AMTN: variants seen among roughly 807,000 people sequenced by gnomAD.
AMTN encodes RSTI689.
AMTN carries 29 observed loss-of-function variants against 27.4 expected under a neutral mutation model. The observed-to-expected ratio is 1.06, with a 90% CI of 0.79 to 1.44. AMTN has a LOEUF of 1.44. Ranked by LOEUF, AMTN falls within the 40% of genes most tolerant of loss-of-function variation. The pLI, the probability that AMTN is intolerant of heterozygous loss-of-function variation, is 0.00. For synonymous variants in AMTN, 86 were observed against 95.7 expected (o/e 0.90, Z 0.59); for missense variants, 247 against 248.8 (o/e 0.99, Z 0.05).
At chr4:70,521,638 C>CTTTTTTTTT (rs1560572106) in intron 2 of AMTN, among the ~76,000 whole-genome samples, 3 of 78,974 alleles carry the variant, frequency 3.8e-5, no homozygotes, top group African/African-American at 9.9e-5. Context: ...ATACCAACCT[C>CTTTTTTTTT]TCTTTTTTTT....
chr4:70,531,195 C>T lies in AMTN; in HGVS notation c.514C>T (p.Leu172Phe). The change falls in exon 8 of 9, where the codon CTC (leucine) becomes TTC (phenylalanine). Residue 172 changes from leucine (L) to phenylalanine (F), a missense_variant. By Grantham distance (22) the Leu-to-Phe change is conservative. Transcript: ENST00000339336. ...PATQGTPAGR[L>F]PTPSGTDDDF... Reference sequence around the variant, plus strand: ...CACCCAGGGAACCCCAGCAGGCCGCCTCCCAACTCCCAGTGGCACAGATGA... The same window carrying T: ...CACCCAGGGAACCCCAGCAGGCCGCTTCCCAACTCCCAGTGGCACAGATGA... 1 of 1,614,072 alleles carries T rather than the reference C, an allele frequency of 6.2e-7. No homozygotes were observed. Among genetic ancestry groups the T allele is most frequent in the South Asian group, 1.1e-5 (1 of 91,084 alleles).
intron 3 of AMTN, 119 bp downstream of exon 3, chr4:70,522,957 C>T: frequency 1.1e-6 from 1 of 875,234 alleles, no homozygotes; most frequent in South Asian, 1.8e-5. Flanking sequence ...TACATGAAGA[C>T]TGTACAAGAC....
At chr4:70,527,012 T>C (rs1191937673) in intron 5 of AMTN, among the ~76,000 whole-genome samples, 2 of 152,074 alleles carry the variant, frequency 1.3e-5, no homozygotes, top group Non-Finnish European at 2.9e-5. Context: ...AAATGAACCA[T>C]GCTTGTGAAC....
chr4:70,519,105 T>C (rs1735887873), intron 2 of AMTN, among the ~76,000 whole-genome samples: 1 of 152,138 alleles, frequency 6.6e-6, no homozygotes, highest in Admixed American at 6.6e-5. Flanking sequence ...AGGAGAAAAA[T>C]GAATGTGTTA....
chr4:70,531,361 AGAG>A, intron 8 of AMTN, 61 bp downstream of exon 8: 2 of 1,595,294 alleles, frequency 1.3e-6, no homozygotes, highest in South Asian at 1.1e-5. Flanking sequence ...AGAATGGAAA[AGAG>A]GAGTTCTTTG....
At chr4:70,529,299 C>T (rs2109774585) in intron 7 of AMTN, 89 bp downstream of exon 7, 5 of 964,068 alleles carry the variant, frequency 5.2e-6, no homozygotes, top group Non-Finnish European at 7.3e-6. Context: ...ACCATAAATC[C>T]TAAATATGGT....
intron 2 of AMTN, among the ~76,000 whole-genome samples, 180 bp from the exon 3 acceptor site, chr4:70,522,575 G>C (rs1735999583): frequency 6.6e-6 from 1 of 152,094 alleles, no homozygotes; most frequent in Admixed American, 6.6e-5. Context: ...CTCCTGGGCT[G>C]GCATTTTTCC....
chr4:70,531,436 A>G, intron 8 of AMTN, 136 bp downstream of exon 8: 1 of 1,121,268 alleles, frequency 8.9e-7, no homozygotes, highest in Non-Finnish European at 1.3e-6. Flanking sequence ...ACTCACAGTT[A>G]ACTCCAGCAA....
At chr4:70,522,676 GT>G in intron 2 of AMTN, 78 bp from the exon 3 acceptor site, 1 of 1,344,238 alleles carries the variant, frequency 7.4e-7, no homozygotes, top group Non-Finnish European at 1.1e-6. Context: ...GTTTGCATTG[GT>G]GGCAACCTGG....
intron 7 of AMTN, 78 bp from the exon 8 acceptor site, chr4:70,530,961 C>T (rs959244992): frequency 1.9e-6 from 3 of 1,540,816 alleles, no homozygotes; most frequent in Non-Finnish European, 2.6e-6. Context: ...CCATTCCTAC[C>T]CAAACTTGCT....
intron 3 of AMTN, among the ~76,000 whole-genome samples, chr4:70,523,099 T>A (rs1210186348): frequency 6.6e-6 from 1 of 152,220 alleles, no homozygotes; most frequent in Non-Finnish European, 1.5e-5. Flanking sequence ...GGTTTAGCAG[T>A]GAAATCTAGT....
chr4:70,525,122 T>C lies in AMTN; in HGVS notation c.294+161T>C, dbSNP rs185897146. 5.3e-5 allele frequency among the ~76,000 whole-genome samples: 8 copies of C among 152,354 alleles called. 1 individual carries two copies. The highest frequency in any genetic ancestry group is 2.0e-4 in the Admixed American group (3 of 15,302). On this transcript the variant is annotated intron_variant, in intron 5 of 8. Transcript: ENST00000339336. ...AGACCAGTATTTGACAATCTGGTTC[T>C]TAATGAAAATTCATAAACATACCCA...
chr4:70,521,814 T>C (rs998752878), intron 2 of AMTN, among the ~76,000 whole-genome samples: 1 of 151,868 alleles, frequency 6.6e-6, no homozygotes, highest in Admixed American at 6.6e-5. Flanking sequence ...AAGACAGAGT[T>C]TCATCATGTT....
chr4:70,530,755 C>T (rs1481491500), intron 7 of AMTN, among the ~76,000 whole-genome samples: 1 of 152,060 alleles, frequency 6.6e-6, no homozygotes, highest in Non-Finnish European at 1.5e-5. Flanking sequence ...TTTTTATGCT[C>T]TTATTTTTTG....
intron 5 of AMTN, among the ~76,000 whole-genome samples, chr4:70,527,061 C>T (rs1736115587): frequency 6.6e-6 from 1 of 152,194 alleles, no homozygotes; most frequent in African/African-American, 2.4e-5. Flanking sequence ...GTCAGCTCTA[C>T]ACTTATTACT....
intron 7 of AMTN, among the ~76,000 whole-genome samples, chr4:70,530,814 T>C (rs1028336660): frequency 1.3e-5 from 2 of 152,140 alleles, no homozygotes; most frequent in African/African-American, 4.8e-5. Context: ...TTTAATAATA[T>C]GTAATTTATT....
In AMTN at chr4:70,523,061, C is replaced by A. The variant is rs894356577; in HGVS notation, c.138+223C>A. Among the ~76,000 whole-genome samples, 22 of 152,148 alleles carry A rather than the reference C, an allele frequency of 1.4e-4. 1 individual carries two copies. The highest frequency in any genetic ancestry group is 1.2e-3 in the Admixed American group (19 of 15,280). ...ATAGGAAAAGTAAAGTACTCTAATT[C>A]TTTTTCCTTTTATCTGAATAATAAT... On this transcript the variant is annotated intron_variant, in intron 3 of 8. Coordinates refer to ENST00000339336, the MANE Select transcript of AMTN (RefSeq NM_212557.4).
intron 2 of AMTN, among the ~76,000 whole-genome samples, chr4:70,521,113 C>G (rs1209941422): frequency 3.3e-5 from 5 of 152,110 alleles, no homozygotes; most frequent in Admixed American, 3.3e-4. Flanking sequence ...GGCACGGTGG[C>G]TAACGCCCGT....
At chr4:70,527,074 T>A (rs886903997) in intron 5 of AMTN, among the ~76,000 whole-genome samples, 10 of 152,204 alleles carry the variant, frequency 6.6e-5, no homozygotes, top group South Asian at 2.1e-4. Context: ...TTATTACTTA[T>A]ATGATGTTGG....
Sources: allele counts gnomAD v4.1 joint callset (sites outside exome capture counted in the v4.1 genomes callset), GRCh38; gene constraint gnomAD v4.1.1; transcripts MANE v1.5; gene names NCBI Gene and HGNC (gene_info 2026-07-23, HGNC 2026-07-21).